GRID1: variants seen among roughly 807,000 people sequenced by gnomAD.
GRID1 encodes glutamate ionotropic receptor delta type subunit 1, also known as glutamate receptor ionotropic, delta-1.
GRID1 carries 28 observed loss-of-function variants against 98.0 expected under a neutral mutation model. That is an observed-to-expected ratio of 0.29 (90% CI 0.21 to 0.39). The LOEUF is 0.39. Among genes scored for constraint, GRID1 ranks in the 10% least tolerant of loss-of-function variants. GRID1 has a pLI of 1.00. For synonymous variants in GRID1, 553 were observed against 538.5 expected (o/e 1.03, Z -0.37); for missense variants, 1,111 against 1,340.5 (o/e 0.83, Z 2.67).
At chr10:85,754,285 C>T (rs1174260336) in intron 8 of GRID1, among the ~76,000 whole-genome samples, 1 of 152,146 alleles carries the variant, frequency 6.6e-6, no homozygotes, top group African/African-American at 2.4e-5. Context: ...AGTAATTAAA[C>T]AAGCATTTAT....
chr10:86,217,019 C>A (rs531056142), intron 2 of GRID1, among the ~76,000 whole-genome samples: 6 of 152,130 alleles, frequency 3.9e-5, no homozygotes, highest in Non-Finnish European at 8.8e-5. Flanking sequence ...CCTTCTGCTG[C>A]AGACAAGTGG....
At chr10:85,662,329 G>C (rs916523882) in intron 12 of GRID1, among the ~76,000 whole-genome samples, 1 of 152,192 alleles carries the variant, frequency 6.6e-6, no homozygotes, top group African/African-American at 2.4e-5. Context: ...GGCTAAACAG[G>C]CTGGAAAAGT....
chr10:85,858,399 C>T (rs1322529798), intron 6 of GRID1, among the ~76,000 whole-genome samples: 2 of 152,126 alleles, frequency 1.3e-5, no homozygotes, highest in Non-Finnish European at 1.5e-5. Flanking sequence ...TGGGAGCTCA[C>T]CCCCTCACTG....
chr10:85,626,959 A>G (rs191169057), intron 13 of GRID1, among the ~76,000 whole-genome samples: 1 of 152,212 alleles, frequency 6.6e-6, no homozygotes, highest in Non-Finnish European at 1.5e-5. Context: ...CTAAGGAATT[A>G]TTCAATTTTC....
chr10:85,737,645 G>GATATATATATATAT (rs66947723), intron 8 of GRID1, among the ~76,000 whole-genome samples: 13 of 95,686 alleles, frequency 1.4e-4, no homozygotes, highest in South Asian at 1.1e-3. Context: ...AGTAAAGCCA[G>GATATATATATATAT]ATATATATAT....
chr10:86,142,808 G>T (rs11201902), intron 3 of GRID1, among the ~76,000 whole-genome samples: 1 of 152,166 alleles, frequency 6.6e-6, no homozygotes, highest in Non-Finnish European at 1.5e-5. Flanking sequence ...TCTCAGTCTG[G>T]GGGAAAAGTC....
chr10:86,237,501 C>A (rs1846558937), intron 2 of GRID1, among the ~76,000 whole-genome samples: 1 of 152,056 alleles, frequency 6.6e-6, no homozygotes, highest in Admixed American at 6.6e-5. Context: ...GAGTTCAAGA[C>A]CAGCCTGGCT....
At position 86,190,690 on chromosome 10, in the gene GRID1, C is replaced by T. The variant is rs74725675; in HGVS notation, c.520+15674G>A. Among the ~76,000 whole-genome samples the T allele has an allele frequency of 6.5e-3, 986 of 152,352 alleles. 25 individuals are homozygous for T. In the East Asian group the frequency reaches 0.079, roughly 12 times the overall value. ...AACTTCACCTTGAGCTGCCGAGGCCCTCCAGTGAAACCTCATGCCAACTTA... is the reference window on the plus strand; with the variant it reads ...AACTTCACCTTGAGCTGCCGAGGCCTTCCAGTGAAACCTCATGCCAACTTA... On this transcript the variant is annotated intron_variant, in intron 3 of 15. Transcript: ENST00000327946.
chr10:85,645,415 C>A (rs1843174120), intron 13 of GRID1: 1 of 152,252 alleles, frequency 6.6e-6, no homozygotes, highest in African/African-American at 2.4e-5. Context: ...GCTAGAGCAT[C>A]ATCCTTTGCA....
rs917293747 is a variant in GRID1 at position 86,192,013 on chromosome 10, T to C, written c.520+14351A>G. 1.1e-4 allele frequency among the ~76,000 whole-genome samples: 17 copies of C among 152,092 alleles called. No individual in the cohort carries two copies. The highest frequency in any genetic ancestry group is 3.1e-4 in the African/African-American group (13 of 41,416). On this transcript the variant is annotated intron_variant, in intron 3 of 15. Transcript: ENST00000327946. This position sits in a 1 kb window ranked among gnomAD's most constrained non-coding sequence, Gnocchi z 4.8. The stretch of plus-strand genomic sequence containing the variant: ...TGCACTGCGAGAAGGGATCTGAACT[T>C]GATCCTTAAGGAGAGGGGGAGACAT...
At chr10:85,840,189 T>C (rs573323519) in intron 8 of GRID1, among the ~76,000 whole-genome samples, 1 of 152,288 alleles carries the variant, frequency 6.6e-6, no homozygotes, top group East Asian at 1.9e-4. Context: ...GAAGAGCTGG[T>C]ACTATTCCTA....
At chr10:85,865,535 T>C (rs1326296214) in intron 6 of GRID1, among the ~76,000 whole-genome samples, 1 of 152,176 alleles carries the variant, frequency 6.6e-6, no homozygotes, top group Non-Finnish European at 1.5e-5. Context: ...GGAAGAAAGA[T>C]GGACTGGAGA....
rs187935417 is a variant in GRID1 at position 86,197,471 on chromosome 10, A to C, written c.520+8893T>G. 5.3e-5 allele frequency among the ~76,000 whole-genome samples: 8 copies of C among 152,194 alleles called. No individual in the cohort carries two copies. The East Asian group carries it at 1.5e-3, about 29-fold the overall frequency. On this transcript the variant is annotated intron_variant, in intron 3 of 15. Coordinates refer to ENST00000327946, the MANE Select transcript of GRID1 (RefSeq NM_017551.3). Reference sequence around the variant, plus strand: ...CTGGAATTCTAGTATTTAACAACACAACATCTCCCTTGTTCCCTCTCATGT... The same window carrying C: ...CTGGAATTCTAGTATTTAACAACACCACATCTCCCTTGTTCCCTCTCATGT...
chr10:86,214,129 C>T (rs184294481), intron 2 of GRID1, among the ~76,000 whole-genome samples: 233 of 152,290 alleles, frequency 1.5e-3, no homozygotes, highest in African/African-American at 5.1e-3. Context: ...ACCAACCAGA[C>T]AGTGCTGTCC....
At chr10:86,217,032 G>C (rs1219054894) in intron 2 of GRID1, among the ~76,000 whole-genome samples, 1 of 152,178 alleles carries the variant, frequency 6.6e-6, no homozygotes, top group Non-Finnish European at 1.5e-5. Flanking sequence ...ACAAGTGGGA[G>C]AGGAGGAAGG....
chr10:86,138,734 C>A, intron 4 of GRID1, 85 bp downstream of exon 4: 1 of 1,087,524 alleles, frequency 9.2e-7, no homozygotes, highest in Non-Finnish European at 1.4e-6. Flanking sequence ...ATGCGTAAGA[C>A]GACTGTGCCC....
chr10:86,323,969 A>G (rs1441003406), intron 2 of GRID1, among the ~76,000 whole-genome samples: 1 of 152,202 alleles, frequency 6.6e-6, no homozygotes, highest in East Asian at 1.9e-4. Flanking sequence ...ACTTGAGGTC[A>G]GGAGTTTGAG....
chr10:86,059,254 G>A lies in GRID1; in HGVS notation c.726+79565C>T, dbSNP rs183783923. Among the ~76,000 whole-genome samples, 5 of 152,304 alleles carry A rather than the reference G, an allele frequency of 3.3e-5. No individual in the cohort carries two copies. The East Asian group carries it at 9.7e-4, about 29-fold the overall frequency. Reference sequence around the variant, plus strand: ...TATCAAGAGGTCTTGCTTGTCAGGGGCCTGATTACATCATGAGTGAGAGAG... The same window carrying A: ...TATCAAGAGGTCTTGCTTGTCAGGGACCTGATTACATCATGAGTGAGAGAG... On this transcript the variant is annotated intron_variant, in intron 4 of 15. Transcript: ENST00000327946.
intron 13 of GRID1, among the ~76,000 whole-genome samples, chr10:85,641,418 G>C (rs374378119): frequency 3.9e-4 from 60 of 152,320 alleles, no homozygotes; most frequent in African/African-American, 1.4e-3. Flanking sequence ...AAACATGGAA[G>C]TCAGGCATAT....
Sources: gnomAD v4.1 joint callset for allele counts (sites outside exome capture counted in the v4.1 genomes callset) on GRCh38, gnomAD v4.1.1 for gene constraint, Gnocchi (gnomAD v3.1) non-coding constraint, MANE v1.5 for transcripts, NCBI Gene and HGNC (gene_info 2026-07-23, HGNC 2026-07-21) for gene names.